Variants in NCKAP5 observed in about 807,000 individuals in gnomAD.
NCKAP5 encodes the protein NCK associated protein 5, also known as nck-associated protein 5.
Under a neutral mutation model 167.0 loss-of-function variants are expected in NCKAP5, and 92 were observed. That is an observed-to-expected ratio of 0.55 (90% CI 0.47 to 0.66). The LOEUF is 0.66. Ranked by LOEUF, NCKAP5 falls within the 30% of genes least tolerant of loss-of-function variation. The probability of loss-of-function intolerance (pLI) is 0.00; values close to 1 mark genes in which losing one functional copy is unlikely to be tolerated. For missense variants in NCKAP5, 2,378 were observed against 2,315.0 expected (o/e 1.03, Z -0.56); for synonymous variants, 891 against 877.4 (o/e 1.02, Z -0.27).
chr2:133,097,340 G>A (rs533092713), intron 6 of NCKAP5, among the ~76,000 whole-genome samples: 522 of 152,260 alleles, frequency 3.4e-3, no homozygotes, highest in Non-Finnish European at 5.4e-3. Context: ...CATTATGGAA[G>A]CTTTACAGGT....
intron 2 of NCKAP5, among the ~76,000 whole-genome samples, chr2:133,538,695 C>T (rs1397892672): frequency 2.6e-5 from 4 of 152,034 alleles, no homozygotes; most frequent in Non-Finnish European, 5.9e-5. Flanking sequence ...TGTTGGGAGA[C>T]AAAGGCCAGC....
At chr2:133,068,371 G>C (rs1427782430) in intron 6 of NCKAP5, among the ~76,000 whole-genome samples, 1 of 152,196 alleles carries the variant, frequency 6.6e-6, no homozygotes, top group African/African-American at 2.4e-5. Flanking sequence ...GCCTTTGGAT[G>C]ATCAGCTGTT....
At chr2:133,640,082 A>G in the NCKAP5 span, among the ~76,000 whole-genome samples, 1 of 152,234 alleles carries the variant, frequency 6.6e-6, no homozygotes, top group Non-Finnish European at 1.5e-5. Flanking sequence ...AAATAATGTA[A>G]GGACATGATA....
At chr2:132,880,162 A>T (rs1691636579) in intron 8 of NCKAP5, among the ~76,000 whole-genome samples, 2 of 152,204 alleles carry the variant, frequency 1.3e-5, no homozygotes, top group African/African-American at 4.8e-5. Flanking sequence ...TAGGTGCGAG[A>T]GGGGATGAAG....
chr2:132,904,843 T>C (rs1477417052), intron 8 of NCKAP5, among the ~76,000 whole-genome samples: 1 of 152,246 alleles, frequency 6.6e-6, no homozygotes, highest in Non-Finnish European at 1.5e-5. Context: ...AATGTTCCTG[T>C]TATGAGTTTA....
At chr2:132,740,301 T>C (rs1679066824) in intron 16 of NCKAP5, among the ~76,000 whole-genome samples, 1 of 152,124 alleles carries the variant, frequency 6.6e-6, no homozygotes, top group Non-Finnish European at 1.5e-5. Context: ...ATGCAAGTGG[T>C]CATGTAAATA....
chr2:132,684,681 C>A lies in NCKAP5; in HGVS notation c.5714-11376G>T, dbSNP rs191314584. ...ATACCATTCGGAGTGGCTAAGCAGTCCCCTTCCCCTACAAAGTTGACAAAA... is the reference window on the plus strand; with the variant it reads ...ATACCATTCGGAGTGGCTAAGCAGTACCCTTCCCCTACAAAGTTGACAAAA... On this transcript the variant is annotated intron_variant, in intron 19 of 19. Transcript: ENST00000409261. Among the ~76,000 whole-genome samples the A allele has an allele frequency of 2.0e-5, 3 of 152,242 alleles. No homozygotes were observed. In the East Asian group the frequency reaches 5.8e-4, roughly 29 times the overall value.
chr2:132,922,958 T>C (rs1695560554), intron 8 of NCKAP5, among the ~76,000 whole-genome samples: 1 of 152,242 alleles, frequency 6.6e-6, no homozygotes, highest in African/African-American at 2.4e-5. Context: ...TAATGTTCAA[T>C]TTAAAGCTAC....
intron 6 of NCKAP5, among the ~76,000 whole-genome samples, chr2:133,027,217 A>T (rs2078727930): frequency 6.6e-6 from 1 of 152,210 alleles, no homozygotes; most frequent in Non-Finnish European, 1.5e-5. Flanking sequence ...GTTCTAACGC[A>T]GACAGGTCAG....
intron 8 of NCKAP5, among the ~76,000 whole-genome samples, chr2:132,942,522 T>C (rs1230356786): frequency 6.6e-6 from 1 of 152,220 alleles, no homozygotes; most frequent in Non-Finnish European, 1.5e-5. Context: ...AACTGTAATA[T>C]ATATTTTATG....
intron 2 of NCKAP5, among the ~76,000 whole-genome samples, chr2:133,528,798 C>T (rs562986982): frequency 2.6e-5 from 4 of 152,316 alleles, no homozygotes; most frequent in African/African-American, 7.2e-5. Flanking sequence ...CCCTCTTCAC[C>T]TACCCATCAG....
At chr2:132,919,563 G>T (rs188047018) in intron 8 of NCKAP5, among the ~76,000 whole-genome samples, 9 of 152,270 alleles carry the variant, frequency 5.9e-5, no homozygotes, top group Non-Finnish European at 1.0e-4. Flanking sequence ...AACATTTGAT[G>T]CAAGATCAAC....
intron 5 of NCKAP5, among the ~76,000 whole-genome samples, chr2:133,210,208 T>TATAACATAAC (rs1559271096): frequency 1.5e-4 from 22 of 149,566 alleles, no homozygotes; most frequent in African/African-American, 4.9e-4. Context: ...CATAATATAA[T>TATAACATAAC]GTAATGTAAT....
At chr2:132,868,043 T>G (rs1215468377) in intron 10 of NCKAP5, among the ~76,000 whole-genome samples, 1 of 152,170 alleles carries the variant, frequency 6.6e-6, no homozygotes, top group Non-Finnish European at 1.5e-5. Flanking sequence ...AGTATCTCCA[T>G]GAGCAGCAGT....
At chr2:133,500,223 T>A (rs1316116502) in intron 3 of NCKAP5, among the ~76,000 whole-genome samples, 1 of 152,182 alleles carries the variant, frequency 6.6e-6, no homozygotes, top group Non-Finnish European at 1.5e-5. Context: ...AATTCAACAA[T>A]AATATGAATT....
At chr2:133,606,051 T>G in the NCKAP5 span, among the ~76,000 whole-genome samples, 609 of 152,306 alleles carry the variant, frequency 4.0e-3, 4 homozygotes, top group African/African-American at 0.014. Flanking sequence ...GATTTTTATG[T>G]AAGTTAACAG....
At chr2:133,074,783 G>C (rs1235682430) in intron 6 of NCKAP5, among the ~76,000 whole-genome samples, 1 of 152,106 alleles carries the variant, frequency 6.6e-6, no homozygotes, top group Non-Finnish European at 1.5e-5. Flanking sequence ...TGGATGAATA[G>C]AAATTACCAA....
At chr2:133,165,597 G>A (rs573440491) in intron 5 of NCKAP5, among the ~76,000 whole-genome samples, 9 of 152,102 alleles carry the variant, frequency 5.9e-5, no homozygotes, top group Non-Finnish European at 8.8e-5. Flanking sequence ...AAAATCAAAA[G>A]CTGGGGTGAT....
At position 132,784,046 on chromosome 2, in the gene NCKAP5, G is replaced by T; in HGVS notation, c.2765C>A (p.Ala922Glu). 1 of 1,537,036 alleles carries T rather than the reference G, an allele frequency of 6.5e-7. No homozygotes were observed. The highest frequency in any genetic ancestry group is 1.4e-5 in the African/African-American group (1 of 72,272). ...CGGAGGGGAAGGGGATTTCACCCCT[G>T]CCTCCGGCCCAGAGCCACAGTGTTC... ...RDEHCGSGPE[A>E]GVKSPSPPPP... The change falls in exon 14 of 20, where the codon GCA becomes GAA. Residue 922 changes from alanine to glutamate, a missense_variant. Physicochemically the swap from Ala to Glu is moderately radical, Grantham distance 107 (BLOSUM62 -1). Transcript: ENST00000409261.
Sources: allele counts gnomAD v4.1 joint callset (sites outside exome capture counted in the v4.1 genomes callset), GRCh38; gene constraint gnomAD v4.1.1; transcripts MANE v1.5; gene names NCBI Gene and HGNC (gene_info 2026-07-23, HGNC 2026-07-21).